STAT6: variants seen among roughly 807,000 people sequenced by gnomAD.
The protein encoded by STAT6 is signal transducer and activator of transcription 6, also known as STAT, interleukin4-induced.
STAT6 carries 45 observed loss-of-function variants against 106.3 expected under a neutral mutation model. The ratio of observed to expected loss-of-function variants is 0.42; its 90% CI spans 0.33 to 0.54. The LOEUF (loss-of-function observed/expected upper bound fraction) is 0.54. Among genes scored for constraint, STAT6 ranks in the 20% least tolerant of loss-of-function variants. The pLI is 0.06. For synonymous variants in STAT6, 413 were observed against 413.6 expected, an observed-to-expected ratio of 1.00 and a Z score of 0.02; for missense variants, 797 against 1,062.2, an observed-to-expected ratio of 0.75 and a Z score of 3.47.
rs1393381277 is a variant in STAT6, at chr12:57,102,404, G to C, written c.1398C>G (p.Asn466Lys). The C allele has an allele frequency of 5.0e-6, 8 of 1,614,038 alleles. No homozygotes were observed. Among genetic ancestry groups the C allele is most frequent in the Non-Finnish European group, 6.8e-6 (8 of 1,180,028 alleles). The change falls in exon 13 of 22, where the codon AAC becomes AAG. Residue 466 changes from asparagine to lysine, a missense_variant. Asn to Lys is a moderately conservative substitution (Grantham distance 94). Around this residue, in one of 4 missense-constraint regions of STAT6, gnomAD observed 222 missense variants for 354.6 expected, o/e 0.63. Transcript: ENST00000300134. ...GGAAGTGCTCTGGGAGCAGCCCCCG[G>C]TTGGTCCCCACCTCAGCCATGAACT... ...NLKFMAEVGT[N>K]RGLLPEHFLF...
intron 11 of STAT6, chr12:57,104,186 C>A: frequency 2.3e-6 from 1 of 430,008 alleles, no homozygotes; most frequent in Non-Finnish European, 4.3e-6. Flanking sequence ...GAAAACCAGA[C>A]GTGTGTGTGC....
At chr12:57,100,203 A>C in intron 13 of STAT6, 113 bp from the exon 14 acceptor site, 1 of 869,172 alleles carries the variant, frequency 1.2e-6, no homozygotes. Context: ...GCTGAGGATC[A>C]GACCGAACCT....
At chr12:57,101,583 C>T (rs1221596989) in intron 13 of STAT6, among the ~76,000 whole-genome samples, 1 of 151,192 alleles carries the variant, frequency 6.6e-6, no homozygotes, top group Non-Finnish European at 1.5e-5. Flanking sequence ...AGGCTGGTCT[C>T]GAACTCCTGA....
Position 57,106,296 on chromosome 12 carries a change from G to A in STAT6, c.575C>T (p.Ala192Val), listed in dbSNP as rs1190146042. The stretch of plus-strand genomic sequence containing the variant: ...CCTCTTCAGCACTAGGGCTTTGGCT[G>A]CCTCTAGCTCTCCAGTGGTCTCCTG... The part of the protein sequence containing the change: ...LLQETTGELE[A>V]AKALVLKRIQ... Residue 192 changes from alanine (A) to valine (V), a missense_variant, in exon 7 of 22, where the codon GCA becomes GTA. Transcript: ENST00000300134. 6.2e-7 allele frequency: 1 copy of A among 1,614,130 alleles called. No individual in the cohort carries two copies.
At position 57,106,551 on chromosome 12, in the gene STAT6, C is replaced by A. The variant is rs1288051170; in HGVS notation, c.508G>T (p.Ala170Ser). The change falls in exon 6 of 22, where the codon GCT becomes TCT. Residue 170 changes from alanine (A) to serine (S), a missense_variant. Around this residue, in one of 4 missense-constraint regions of STAT6, gnomAD observed 336 missense variants for 429.8 expected, o/e 0.78. Transcript: ENST00000300134. ...ACCTCACTTGGCCCAGTCCCATTAG[C>A]AGGAGTTTCTATCAAGCTGTGCAGA... ...VSLHSLIETPANGTGPSEALA... is the reference protein window; with the variant it reads ...VSLHSLIETPSNGTGPSEALA... 1 of 1,614,192 alleles carries A rather than the reference C, an allele frequency of 6.2e-7. No individual in the cohort carries two copies. The highest frequency in any genetic ancestry group is 1.3e-5 in the African/African-American group (1 of 75,064).
chr12:57,100,646 AAG>A (rs1241372970), intron 13 of STAT6, among the ~76,000 whole-genome samples: 8 of 77,544 alleles, frequency 1.0e-4, no homozygotes, highest in African/African-American at 3.1e-4. Flanking sequence ...AAGAGAAAGA[AAG>A]AAAGAAAGAA....
At chr12:57,103,060 A>ATC (rs2034054424) in intron 11 of STAT6, 139 bp from the exon 12 acceptor site, 3 of 588,738 alleles carry the variant, frequency 5.1e-6, no homozygotes, top group Admixed American at 3.9e-5. Flanking sequence ...CAGTAGTGCA[A>ATC]TCTCAGCTCA....
intron 13 of STAT6, chr12:57,100,827 TCC>T: frequency 2.2e-6 from 1 of 454,958 alleles, no homozygotes; most frequent in South Asian, 1.6e-5. Context: ...TGTGGTTCTC[TCC>T]TAGCCATGGC....
At chr12:57,100,691 AGAAAGAAAG>A (rs1384538177) in intron 13 of STAT6, among the ~76,000 whole-genome samples, 15 of 40,230 alleles carry the variant, frequency 3.7e-4, no homozygotes, top group African/African-American at 1.4e-3. Flanking sequence ...AAAGAAAGAA[AGAAAGAAAG>A]AGAAAGAAAG....
At chr12:57,107,106 C>T (rs1357887413) in intron 4 of STAT6, 125 bp downstream of exon 4, 2 of 1,143,284 alleles carry the variant, frequency 1.7e-6, no homozygotes, top group Non-Finnish European at 2.6e-6. Context: ...TAGGAACCTC[C>T]TTTGGTCATT....
Position 57,107,730 on chromosome 12 carries a change from C to A in STAT6, c.130G>T (p.Gly44Cys), listed in dbSNP as rs757430778. The A allele has an allele frequency of 6.2e-7, 1 of 1,614,012 alleles. No homozygotes were observed. The highest frequency in any genetic ancestry group is 8.5e-7 in the Non-Finnish European group (1 of 1,180,044). The part of the protein sequence containing the change: ...LESQPWEFLV[G>C]SDAFCCNLAS... ...AAGTTGCAGCAGAAGGCGTCGGAGC[C>A]GACCAGGAACTCCCTGCAGGAAGAT... The change falls in exon 3 of 22, where the codon GGC becomes TGC. Residue 44 changes from glycine to cysteine, a missense_variant. Transcript: ENST00000300134.
chr12:57,107,390 C>T, intron 3 of STAT6, 76 bp from the exon 4 acceptor site: 1 of 1,424,932 alleles, frequency 7.0e-7, no homozygotes. Context: ...CCCAGGCCTG[C>T]ATTCACACAT....
chr12:57,107,456 T>C, intron 3 of STAT6, 142 bp from the exon 4 acceptor site: 1 of 1,329,592 alleles, frequency 7.5e-7, no homozygotes. Context: ...TTTGCATGCT[T>C]TTAAAATCTA....
chr12:57,105,189 C>T lies in STAT6; in HGVS notation c.963G>A (p.Ala321=), dbSNP rs759578006. The T allele has an allele frequency of 8.7e-6, 14 of 1,613,714 alleles. No homozygotes were observed. Among genetic ancestry groups the T allele is most frequent in the South Asian group, 6.6e-5 (6 of 91,086 alleles). Residue 321 remains alanine, a synonymous_variant, in exon 9 of 22, where the codon GCG becomes GCA. Transcript: ENST00000300134. ...VRADMVTEKQ[A]RELSVPQGPG... ...GACCCTGAGGCACACTCAGCTCCCG[C>T]GCCTGCTTCTCTGTCACCATGTCGG...
Position 57,104,495 on chromosome 12 carries a change from A to G in STAT6, c.1181T>C (p.Leu394Pro). ...CTGGATGGGGAGTTTGCCGGGGCCA[A>G]GTGTGAAGCTGGCAGAGAAGAGCAC... ...CAVLFSASFT[L>P]GPGKLPIQLQ... The change falls in exon 11 of 22, where the codon CTT (leucine) becomes CCT (proline). Residue 394 changes from leucine (L) to proline (P), a missense_variant. Coordinates refer to ENST00000300134, the MANE Select transcript of STAT6 (RefSeq NM_003153.5). 2.5e-6 allele frequency: 4 copies of G among 1,612,162 alleles called. No homozygotes were observed. Among genetic ancestry groups the G allele is most frequent in the Non-Finnish European group, 3.4e-6 (4 of 1,179,410 alleles).
chr12:57,106,063 G>T (rs1190186962), intron 7 of STAT6, 128 bp downstream of exon 7: 1 of 1,478,610 alleles, frequency 6.8e-7, no homozygotes, highest in Non-Finnish European at 9.1e-7. Context: ...GCTGGAACTG[G>T]CTTTTATGCA....
Position 57,102,329 on chromosome 12 carries a change from G to T in STAT6, c.1473C>A (p.Ala491=). Residue 491 remains alanine, a synonymous_variant, in exon 13 of 22, where the codon GCC becomes GCA. Transcript: ENST00000300134. ...ACCAGGACACAGAACGGTGCTGGAAGGCCTCCATACTGAGGCTGTTGTCAT... is the reference window on the plus strand; with the variant it reads ...ACCAGGACACAGAACGGTGCTGGAATGCCTCCATACTGAGGCTGTTGTCAT... ...IFNDNSLSME[A]FQHRSVSWSQ... 1 of 1,614,174 alleles carries T rather than the reference G, an allele frequency of 6.2e-7. No individual in the cohort carries two copies. Among genetic ancestry groups the T allele is most frequent in the Non-Finnish European group, 8.5e-7 (1 of 1,180,042 alleles).
intron 1 of STAT6, among the ~76,000 whole-genome samples, chr12:57,109,528 T>C (rs1325589881): frequency 6.6e-6 from 1 of 152,076 alleles, no homozygotes; most frequent in Non-Finnish European, 1.5e-5. Flanking sequence ...GGGGCAAATC[T>C]GATCATCCTA....
At chr12:57,100,690 A>AAG (rs1491065383) in intron 13 of STAT6, among the ~76,000 whole-genome samples, 42 of 42,230 alleles carry the variant, frequency 9.9e-4, no homozygotes, top group Admixed American at 2.6e-3. Context: ...GAAAGAAAGA[A>AAG]AGAAAGAAAG....
Sources: allele counts gnomAD v4.1 joint callset (sites outside exome capture counted in the v4.1 genomes callset), GRCh38; gene constraint gnomAD v4.1.1; regional missense constraint gnomAD v4.1.1; transcripts MANE v1.5; gene names NCBI Gene and HGNC (gene_info 2026-07-23, HGNC 2026-07-21).